The following IFT80 variants were observed in gnomAD, a reference collection of about 807,000 sequenced individuals.
IFT80 encodes the protein intraflagellar transport protein 80 homolog.
A neutral mutation model predicts 107.9 loss-of-function variants in IFT80; 79 were observed. That is an observed-to-expected ratio of 0.73 (90% confidence interval 0.61 to 0.88). The LOEUF (loss-of-function observed/expected upper bound fraction) is 0.88. Ranked by LOEUF, IFT80 falls within the 40% of genes least tolerant of loss-of-function variation. The pLI, the probability that IFT80 is intolerant of heterozygous loss-of-function variation, is 0.00. For synonymous variants in IFT80, 299 were observed against 300.9 expected (o/e 0.99, Z 0.07); for missense variants, 797 against 914.2 (o/e 0.87, Z 1.65).
rs16831150 is a variant in IFT80, at chr3:160,263,365, C to T, written c.2224-4730G>A. 5.7e-3 allele frequency among the ~76,000 whole-genome samples: 864 copies of T among 152,296 alleles called. 7 individuals carry two copies. The highest frequency in any genetic ancestry group is 0.02 in the African/African-American group (836 of 41,558). On this transcript the variant is annotated intron_variant, in intron 19 of 19. Transcript: ENST00000326448. ...ACGCTCGCCTCTAAGCTATCTTTCA[C>T]GTCTGATGTTATCTTTCAAGTCATT...
chr3:160,295,699 A>G (rs187315304), intron 12 of IFT80, among the ~76,000 whole-genome samples: 1 of 152,330 alleles, frequency 6.6e-6, no homozygotes, highest in Non-Finnish European at 1.5e-5. Context: ...TTGCATTCCC[A>G]TGTTCATTGC....
At chr3:160,394,716 C>A (rs1194473683) in intron 1 of IFT80, among the ~76,000 whole-genome samples, 1 of 151,556 alleles carries the variant, frequency 6.6e-6, no homozygotes, top group Admixed American at 6.6e-5. Context: ...TGCCACTACG[C>A]TCCAGCCTGG....
At chr3:160,371,787 T>C (rs142469099) in intron 5 of IFT80, among the ~76,000 whole-genome samples, 219 of 152,342 alleles carry the variant, frequency 1.4e-3, no homozygotes, top group Non-Finnish European at 1.8e-3. Flanking sequence ...GAATTCATTA[T>C]AGGCAAGTTC....
chr3:160,336,133 C>T (rs1394073559), intron 8 of IFT80, among the ~76,000 whole-genome samples: 6 of 152,086 alleles, frequency 3.9e-5, no homozygotes, highest in East Asian at 1.9e-4. Flanking sequence ...TGTGAACATA[C>T]GTTTTCATTT....
chr3:160,394,957 A>G (rs1052688632), intron 1 of IFT80, among the ~76,000 whole-genome samples: 1 of 152,042 alleles, frequency 6.6e-6, no homozygotes, highest in African/African-American at 2.4e-5. Flanking sequence ...AATAATGGAG[A>G]CCCCTAAAAG....
chr3:160,292,475 CTTT>C (rs142116230), intron 12 of IFT80, among the ~76,000 whole-genome samples: 15 of 115,354 alleles, frequency 1.3e-4, no homozygotes, highest in African/African-American at 4.2e-4. Context: ...AGAGAGATTC[CTTT>C]TTTTTTTTTT....
At chr3:160,324,560 C>T (rs1182575387) in intron 8 of IFT80, among the ~76,000 whole-genome samples, 7 of 152,044 alleles carry the variant, frequency 4.6e-5, no homozygotes, top group African/African-American at 1.7e-4. Flanking sequence ...GCAGAAAAGG[C>T]CTTTGACAAA....
At chr3:160,302,080 A>G (rs1716471695) in intron 11 of IFT80, among the ~76,000 whole-genome samples, 2 of 152,070 alleles carry the variant, frequency 1.3e-5, no homozygotes, top group South Asian at 2.1e-4. Context: ...ATTTACACAC[A>G]TACTATGGCT....
At chr3:160,384,676 A>G in intron 1 of IFT80, 30 bp from the exon 2 acceptor site, 7 of 1,531,928 alleles carry the variant, frequency 4.6e-6, no homozygotes, top group Non-Finnish European at 6.3e-6. Flanking sequence ...GAAAATATAA[A>G]GTCAGCATTA....
chr3:160,385,620 A>G (rs563743524), intron 1 of IFT80, among the ~76,000 whole-genome samples: 105 of 152,200 alleles, frequency 6.9e-4, no homozygotes, highest in Non-Finnish European at 1.2e-3. Flanking sequence ...CACTCTTTTC[A>G]CTTCTTTCTC....
intron 13 of IFT80, among the ~76,000 whole-genome samples, chr3:160,284,016 A>C (rs1714901373): frequency 6.6e-6 from 1 of 152,324 alleles, no homozygotes; most frequent in South Asian, 2.1e-4. Context: ...GTTATTGGGA[A>C]GATCCTGGAT....
intron 10 of IFT80, among the ~76,000 whole-genome samples, chr3:160,306,015 A>G (rs1716808418): frequency 6.6e-6 from 1 of 152,146 alleles, no homozygotes; most frequent in Non-Finnish European, 1.5e-5. Context: ...ACTTTATGAA[A>G]TATGTTTTGG....
At chr3:160,269,335 T>A (rs1331329320) in intron 18 of IFT80, among the ~76,000 whole-genome samples, 3 of 152,176 alleles carry the variant, frequency 2.0e-5, no homozygotes, top group Non-Finnish European at 4.4e-5. Context: ...AAGTCTATAC[T>A]GAGTTTATAA....
chr3:160,297,333 ATAGAG>A (rs1474219074), intron 12 of IFT80, among the ~76,000 whole-genome samples: 1 of 152,210 alleles, frequency 6.6e-6, no homozygotes, highest in Non-Finnish European at 1.5e-5. Flanking sequence ...AGATTAATAA[ATAGAG>A]TAATTTTATA....
intron 8 of IFT80, chr3:160,343,583 T>C (rs1332781512): frequency 6.4e-6 from 1 of 155,244 alleles, no homozygotes; most frequent in Non-Finnish European, 1.4e-5. Flanking sequence ...ATAGAAAACA[T>C]TATAGTACTA....
At chr3:160,350,277 G>A (rs1720582349) in intron 8 of IFT80, among the ~76,000 whole-genome samples, 1 of 151,880 alleles carries the variant, frequency 6.6e-6, no homozygotes, top group South Asian at 2.1e-4. Flanking sequence ...TTAGCTGGGA[G>A]TGGTGGTGGA....
At position 160,291,846 on chromosome 3, in the gene IFT80, T is replaced by C. The variant is rs184304108; in HGVS notation, c.1316-5978A>G. Among the ~76,000 whole-genome samples the C allele has an allele frequency of 3.1e-3, 465 of 152,062 alleles. 3 individuals are homozygous for C. Among genetic ancestry groups the C allele is most frequent in the Non-Finnish European group, 2.5e-3 (171 of 67,972 alleles). On this transcript the variant is annotated intron_variant, in intron 12 of 19. Coordinates refer to ENST00000326448, the MANE Select transcript of IFT80 (RefSeq NM_020800.3). Reference sequence around the variant, plus strand: ...GACTTCCCCTTCAAGGTTCAAAAGGTGATTGGAATTGACGAGCAAATACCT... The same window carrying C: ...GACTTCCCCTTCAAGGTTCAAAAGGCGATTGGAATTGACGAGCAAATACCT...
intron 12 of IFT80, among the ~76,000 whole-genome samples, chr3:160,295,160 C>A (rs549183497): frequency 1.7e-3 from 259 of 152,194 alleles, no homozygotes; most frequent in Middle Eastern, 6.8e-3. Context: ...CAAATCAAAC[C>A]ATAATGAGAT....
rs979877844 is a variant in IFT80 at position 160,258,504 on chromosome 3, T to C, written c.*21A>G. ...AGAACGTGTTTCAAAAGATAAAATT[T>C]CTTAAAGATACGCATGGCATTTAGG... On this transcript the variant is annotated 3_prime_UTR_variant, in exon 20 of 20. Coordinates refer to ENST00000326448, the MANE Select transcript of IFT80 (RefSeq NM_020800.3). The C allele has an allele frequency of 2.5e-6, 4 of 1,613,516 alleles. No homozygotes were observed. The highest frequency in any genetic ancestry group is 2.5e-6 in the Non-Finnish European group (3 of 1,179,904).
Sources: allele counts gnomAD v4.1 joint callset (sites outside exome capture counted in the v4.1 genomes callset), GRCh38; gene constraint gnomAD v4.1.1; transcripts MANE v1.5; gene names NCBI Gene and HGNC (gene_info 2026-07-23, HGNC 2026-07-21).